The following CDH20 variants were observed in gnomAD, a reference collection of about 807,000 sequenced individuals.
CDH20 encodes cadherin-20.
Under a neutral mutation model 74.2 loss-of-function variants are expected in CDH20, and 29 were observed. The ratio of observed to expected loss-of-function variants is 0.39; its 90% confidence interval spans 0.29 to 0.53. CDH20 has a LOEUF of 0.53. Ranked by LOEUF, CDH20 falls within the 20% of genes least tolerant of loss-of-function variation. The pLI, the probability that CDH20 is intolerant of heterozygous loss-of-function variation, is 0.69. For missense variants in CDH20, 988 were observed against 1,048.3 expected, an observed-to-expected ratio of 0.94 and a Z score of 0.79; for synonymous variants, 469 against 405.4, an observed-to-expected ratio of 1.16 and a Z score of -1.88.
In CDH20 at chr18:61,404,998, C is replaced by T. The variant is rs942745488; in HGVS notation, c.-153+71171C>T. ...TTATTGCCACTGTAGTGATGGACAC[C>T]AGTTTTGACCAACATTGCATAGTAC... On this transcript the variant is annotated intron_variant, in intron 1 of 11. Transcript: ENST00000262717. 4.2e-6 allele frequency: 3 copies of T among 706,624 alleles called. No homozygotes were observed. The African/African-American group carries it at 5.3e-5, about 12-fold the overall frequency. 43.8% of individuals were successfully genotyped at this position (706,624 alleles called of 1,614,324 possible).
chr18:61,550,126 C>T lies in CDH20; in HGVS notation c.1797C>T (p.Asp599=), dbSNP rs566748256. The change falls in exon 11 of 12, where the codon GAC becomes GAT. Residue 599 remains aspartate, a synonymous_variant. Transcript: ENST00000262717. ...CCATCCAAGTGTGCAGCTGTGATGA[C>T]GACGGCCACGTCATGTCCTGCAGCC... The part of the protein sequence containing the change: ...TLTIQVCSCD[D]DGHVMSCSPE... 31 of 1,614,210 alleles carry T rather than the reference C, an allele frequency of 1.9e-5. No homozygotes were observed. Among genetic ancestry groups the T allele is most frequent in the South Asian group, 1.9e-4 (17 of 91,086 alleles).
At chr18:61,345,852 G>C (rs1910100204) in intron 1 of CDH20, among the ~76,000 whole-genome samples, 1 of 152,138 alleles carries the variant, frequency 6.6e-6, no homozygotes, top group Non-Finnish European at 1.5e-5. Context: ...GAGGTTGTTT[G>C]GGAATTTGGA....
At chr18:61,362,847 A>G (rs1178302699) in intron 1 of CDH20, among the ~76,000 whole-genome samples, 1 of 152,156 alleles carries the variant, frequency 6.6e-6, no homozygotes, top group Non-Finnish European at 1.5e-5. Context: ...TTTATATTAC[A>G]TATATACATG....
chr18:61,469,364 TACACACACACACACACAC>T (rs35516738), intron 1 of CDH20, among the ~76,000 whole-genome samples: 91 of 142,452 alleles, frequency 6.4e-4, no homozygotes, highest in Middle Eastern at 7.1e-3. Flanking sequence ...TGAGAATGAA[TACACACACACACACACAC>T]ACACACACAC....
In CDH20 at chr18:61,528,030, G is replaced by C. The variant is rs749338724; in HGVS notation, c.1081G>C (p.Glu361Gln). 1 of 1,614,070 alleles carries C rather than the reference G, an allele frequency of 6.2e-7. No homozygotes were observed. The highest frequency in any genetic ancestry group is 8.5e-7 in the Non-Finnish European group (1 of 1,179,936). Residue 361 changes from glutamate (E) to glutamine (Q), a missense_variant, in exon 7 of 12, where the codon GAG becomes CAG. By Grantham distance (29) the Glu-to-Gln change is conservative. This residue lies in a region of CDH20 where 613 missense variants were observed against 755.2 expected (regional missense o/e 0.81). Transcript: ENST00000262717. ...LKVEGANPHLEMRFLNLGPFQ... is the reference protein window; with the variant it reads ...LKVEGANPHLQMRFLNLGPFQ... The stretch of plus-strand genomic sequence containing the variant: ...GGTGGAGGGAGCCAATCCTCACCTA[G>C]AGATGCGTTTTCTGAACTTGGGCCC...
At chr18:61,492,423 T>C (rs1910991176) in intron 2 of CDH20, among the ~76,000 whole-genome samples, 1 of 152,188 alleles carries the variant, frequency 6.6e-6, no homozygotes, top group Admixed American at 6.5e-5. Flanking sequence ...CCATGGTCTT[T>C]TTAAAATTTA....
intron 11 of CDH20, among the ~76,000 whole-genome samples, chr18:61,551,952 C>T (rs918239326): frequency 1.3e-5 from 2 of 152,142 alleles, no homozygotes; most frequent in Non-Finnish European, 2.9e-5. Flanking sequence ...TTCCCACCCA[C>T]GATGATGTCT....
intron 2 of CDH20, among the ~76,000 whole-genome samples, chr18:61,496,085 T>G (rs1599125264): frequency 4.1e-5 from 1 of 24,576 alleles, no homozygotes; most frequent in Non-Finnish European, 7.3e-5. Flanking sequence ...CCCCCCTCTC[T>G]CCTCCCTTCC....
chr18:61,529,929 C>A (rs899535057), intron 7 of CDH20, among the ~76,000 whole-genome samples: 1 of 152,074 alleles, frequency 6.6e-6, no homozygotes, highest in Non-Finnish European at 1.5e-5. Flanking sequence ...CTGGCTACCC[C>A]ACTAGAACCC....
chr18:61,506,635 A>G (rs1911572073), intron 5 of CDH20, among the ~76,000 whole-genome samples: 1 of 152,260 alleles, frequency 6.6e-6, no homozygotes, highest in Non-Finnish European at 1.5e-5. Flanking sequence ...CATGGAGATG[A>G]AAGTGAACTA....
At chr18:61,508,710 C>T (rs902891767) in intron 6 of CDH20, among the ~76,000 whole-genome samples, 3 of 152,152 alleles carry the variant, frequency 2.0e-5, no homozygotes, top group African/African-American at 7.2e-5. Context: ...AATCTCGGCT[C>T]ACTGCAACCT....
At chr18:61,453,020 G>A (rs10469236) in intron 1 of CDH20, among the ~76,000 whole-genome samples, 2,061 of 152,014 alleles carry the variant, frequency 0.014, 47 homozygotes, top group African/African-American at 0.046. Flanking sequence ...CCTTTACCCC[G>A]TGCACCCCAC....
chr18:61,468,202 C>T (rs1478523290), intron 1 of CDH20, among the ~76,000 whole-genome samples: 1 of 152,190 alleles, frequency 6.6e-6, no homozygotes, highest in East Asian at 1.9e-4. Flanking sequence ...ATCCAATCAC[C>T]AGCGTCAAAA....
At chr18:61,474,925 T>C (rs113900984) in intron 1 of CDH20, among the ~76,000 whole-genome samples, 1,917 of 152,210 alleles carry the variant, frequency 0.013, 45 homozygotes, top group African/African-American at 0.044. Context: ...AATACAGCAT[T>C]TATAGTTTAT....
chr18:61,404,940 T>C (rs565684495), intron 1 of CDH20: 45 of 708,946 alleles, frequency 6.3e-5, no homozygotes, highest in African/African-American at 5.4e-4. Context: ...GCATACTCTG[T>C]AGTATTTTCC....
chr18:61,552,518 C>A (rs1484432965), intron 11 of CDH20, among the ~76,000 whole-genome samples: 1 of 152,110 alleles, frequency 6.6e-6, no homozygotes, highest in Non-Finnish European at 1.5e-5. Context: ...AAAAGACTTC[C>A]AATTTTGCTT....
intron 1 of CDH20, among the ~76,000 whole-genome samples, chr18:61,424,509 CA>C: frequency 1.3e-5 from 2 of 152,332 alleles, no homozygotes; most frequent in Admixed American, 1.3e-4. Flanking sequence ...ATACCCTTCT[CA>C]ATCAATACAA....
chr18:61,399,182 T>C (rs986519661), intron 1 of CDH20, among the ~76,000 whole-genome samples: 2 of 132,900 alleles, frequency 1.5e-5, no homozygotes, highest in African/African-American at 6.1e-5. Flanking sequence ...TAGTCATTCA[T>C]TGCTAATTCA....
intron 1 of CDH20, among the ~76,000 whole-genome samples, chr18:61,483,566 T>C (rs1910661490): frequency 6.6e-6 from 1 of 152,210 alleles, no homozygotes; most frequent in African/African-American, 2.4e-5. Context: ...GCTACACTAT[T>C]ATTGTTAATA....
Sources: allele counts gnomAD v4.1 joint callset (sites outside exome capture counted in the v4.1 genomes callset), GRCh38; gene constraint gnomAD v4.1.1; regional missense constraint gnomAD v4.1.1; transcripts MANE v1.5; gene names NCBI Gene and HGNC (gene_info 2026-07-23, HGNC 2026-07-21).